The following NCR1 variants were observed in gnomAD, a reference collection of about 807,000 sequenced individuals.
NCR1 encodes the protein NK cell-activating receptor.
A neutral mutation model predicts 32.5 loss-of-function variants in NCR1; 30 were observed. The observed-to-expected ratio is 0.92, with a 90% confidence interval of 0.69 to 1.25. NCR1 has a LOEUF of 1.25. Ranked by LOEUF, NCR1 falls within the 50% of genes most tolerant of loss-of-function variation. NCR1 has a pLI of 0.00. For synonymous variants in NCR1, 169 were observed against 143.4 expected, an observed-to-expected ratio of 1.18 and a Z score of -1.28; for missense variants, 369 against 380.7, an observed-to-expected ratio of 0.97 and a Z score of 0.26.
At chr19:54,911,359 AAAAAG>A (rs2067969205) in intron 5 of NCR1, among the ~76,000 whole-genome samples, 108 of 128,232 alleles carry the variant, frequency 8.4e-4, no homozygotes, top group Non-Finnish European at 1.4e-3. Flanking sequence ...AAAAAAAAAG[AAAAAG>A]AAAAAGAAAA....
At chr19:54,937,971 A>G in the NCR1 span, 1 of 1,224,488 alleles carries the variant, frequency 8.2e-7, no homozygotes, top group Non-Finnish European at 1.2e-6. Flanking sequence ...CACATTTCCA[A>G]ATTTAAAAAA....
chr19:54,928,200 AT>A, the NCR1 span, among the ~76,000 whole-genome samples: 1 of 152,190 alleles, frequency 6.6e-6, no homozygotes, highest in Admixed American at 6.6e-5. Flanking sequence ...AGCCTGGGCA[AT>A]AGAATGAGAC....
At chr19:54,924,200 T>A in the NCR1 span, among the ~76,000 whole-genome samples, 1 of 152,138 alleles carries the variant, frequency 6.6e-6, no homozygotes, top group Non-Finnish European at 1.5e-5. Context: ...ACTTCTGGCC[T>A]CAAGTGATCC....
At chr19:54,932,501 C>T in the NCR1 span, among the ~76,000 whole-genome samples, 6 of 151,980 alleles carry the variant, frequency 3.9e-5, no homozygotes, top group African/African-American at 4.8e-5. Flanking sequence ...CAACCCTATG[C>T]AATCTCTTGA....
At chr19:54,913,638 A>G (rs1200002405), downstream of NCR1, among the ~76,000 whole-genome samples, 4 of 152,184 alleles carry the variant, frequency 2.6e-5, no homozygotes, top group African/African-American at 7.2e-5. Context: ...AAGCAGCTTT[A>G]TAAGTGAATC....
chr19:54,901,495 T>C (rs1391131138), upstream of NCR1, among the ~76,000 whole-genome samples: 12 of 151,512 alleles, frequency 7.9e-5, no homozygotes, highest in Non-Finnish European at 4.4e-5. Context: ...GTCCCAGGAA[T>C]GCTGGTGTGG....
chr19:54,933,560 G>A, the NCR1 span: 1 of 1,614,070 alleles, frequency 6.2e-7, no homozygotes, highest in African/African-American at 1.3e-5. Context: ...ACACCCAGCA[G>A]GGACTTACAC....
upstream of NCR1, among the ~76,000 whole-genome samples, chr19:54,903,545 CAT>C (rs1569535684): frequency 4.6e-5 from 6 of 131,328 alleles, 1 homozygote; most frequent in African/African-American, 1.1e-4. Flanking sequence ...TGCATGTATG[CAT>C]GTGTGTATAT....
downstream of NCR1, among the ~76,000 whole-genome samples, chr19:54,920,833 C>T (rs749160806): frequency 2.0e-5 from 3 of 152,062 alleles, no homozygotes; most frequent in African/African-American, 4.8e-5. Flanking sequence ...TGGCTGGGCA[C>T]GGTGGCTCAC....
downstream of NCR1, chr19:54,915,815 C>G (rs1441650299): frequency 7.0e-6 from 1 of 142,690 alleles, no homozygotes; most frequent in African/African-American, 2.7e-5. Context: ...GCACTCCAGC[C>G]TGGGCGACAG....
the NCR1 span, among the ~76,000 whole-genome samples, chr19:54,933,139 G>GT: frequency 0.029 from 4,410 of 151,012 alleles, 227 homozygotes; most frequent in African/African-American, 0.1. Context: ...TATCTGCCTG[G>GT]TTTTTTTTGT....
the NCR1 span, among the ~76,000 whole-genome samples, chr19:54,931,873 C>T: frequency 5.9e-4 from 90 of 151,680 alleles, 1 homozygote; most frequent in Non-Finnish European, 1.5e-4. Context: ...TCCAAATGGC[C>T]TTCTGATTCC....
intron 2 of NCR1, 25 bp downstream of exon 2, chr19:54,906,359 G>A (rs1253947087): frequency 1.9e-6 from 3 of 1,612,292 alleles, no homozygotes; most frequent in Non-Finnish European, 2.5e-6. Context: ...CAAAGCCCAG[G>A]GTCACTCTTC....
upstream of NCR1, among the ~76,000 whole-genome samples, chr19:54,903,566 ATG>A (rs779064517): frequency 3.5e-5 from 5 of 142,856 alleles, no homozygotes; most frequent in Admixed American, 3.7e-4. Flanking sequence ...ATATACATAT[ATG>A]TGTATATATA....
At chr19:54,927,045 G>A in the NCR1 span, among the ~76,000 whole-genome samples, 17 of 151,806 alleles carry the variant, frequency 1.1e-4, no homozygotes, top group African/African-American at 3.1e-4. Context: ...AGTCAAGATC[G>A]CGCCACTGCA....
upstream of NCR1, among the ~76,000 whole-genome samples, chr19:54,904,714 T>C (rs764446232): frequency 2.6e-5 from 4 of 152,138 alleles, no homozygotes; most frequent in East Asian, 1.9e-4. Flanking sequence ...GAATTTTTAG[T>C]AGAGACAGGG....
At chr19:54,900,166 C>T in the NCR1 span, among the ~76,000 whole-genome samples, 4 of 152,028 alleles carry the variant, frequency 2.6e-5, no homozygotes, top group African/African-American at 4.8e-5. Context: ...TCCCCTGATT[C>T]GAGTTATGGC....
rs145800206 is a variant in NCR1, at chr19:54,906,533, A to G, written c.81A>G (p.Pro27=). 4.0e-5 allele frequency: 65 copies of G among 1,607,902 alleles called. No individual in the cohort carries two copies. The African/African-American group carries it at 7.7e-4, about 19-fold the overall frequency. The change falls in exon 3 of 7, where the codon CCA becomes CCG. Residue 27 remains proline, a synonymous_variant. Transcript: ENST00000291890. The part of the protein sequence containing the change: ...QRISAQQQTL[P]KPFIWAEPHF... Reference sequence around the variant, plus strand: ...CTGATTCCCTTCCAGAGACTCTCCCAAAACCGTTCATCTGGGCCGAGCCCC... The same window carrying G: ...CTGATTCCCTTCCAGAGACTCTCCCGAAACCGTTCATCTGGGCCGAGCCCC...
intron 3 of NCR1, among the ~76,000 whole-genome samples, chr19:54,907,088 A>G (rs912130297): frequency 6.6e-6 from 1 of 151,714 alleles, no homozygotes. Flanking sequence ...CTCAAAAACA[A>G]TGCCTGTGGG....
Sources: gnomAD v4.1 joint callset for allele counts (sites outside exome capture counted in the v4.1 genomes callset) on GRCh38, gnomAD v4.1.1 for gene constraint, MANE v1.5 for transcripts, NCBI Gene and HGNC (gene_info 2026-07-23, HGNC 2026-07-21) for gene names.